Variants in PLD1 observed in about 807,000 individuals in gnomAD.
The protein encoded by PLD1 is choline phosphatase 1.
A neutral mutation model predicts 137.1 loss-of-function variants in PLD1; 112 were observed. The ratio of observed to expected loss-of-function variants is 0.82; its 90% CI spans 0.70 to 0.96. PLD1 has a LOEUF of 0.96. Among genes scored for constraint, PLD1 ranks in the 40% least tolerant of loss-of-function variants. The pLI, the probability that PLD1 is intolerant of heterozygous loss-of-function variation, is 0.00. For synonymous variants in PLD1, 431 were observed against 454.7 expected (o/e 0.95, Z 0.66); for missense variants, 1,321 against 1,342.0 (o/e 0.98, Z 0.24).
chr3:171,733,862 A>G (rs932139923), intron 5 of PLD1, among the ~76,000 whole-genome samples: 2 of 151,896 alleles, frequency 1.3e-5, no homozygotes, highest in African/African-American at 2.4e-5. Flanking sequence ...TTTTTTTTCA[A>G]TTCTAACACT....
chr3:171,611,516 A>G, intron 25 of PLD1: 1 of 499,542 alleles, frequency 2.0e-6, no homozygotes, highest in Admixed American at 2.1e-5. Flanking sequence ...AGGATCGCAC[A>G]GCTGAAACGA....
chr3:171,620,378 G>A lies in PLD1; in HGVS notation c.2728+8C>T, dbSNP rs1733486024. ...GGAATACAATTATAGACCATATACT[G>A]TACTTACCAATAATAACAGTGTTAT... On this transcript the variant is annotated splice_region_variant and intron_variant, in intron 24 of 26. Transcript: ENST00000351298. 1 of 1,585,446 alleles carries A rather than the reference G, an allele frequency of 6.3e-7. No homozygotes were observed.
intron 1 of PLD1, among the ~76,000 whole-genome samples, chr3:171,769,642 C>G (rs898392758): frequency 8.5e-5 from 13 of 152,182 alleles, no homozygotes; most frequent in Non-Finnish European, 1.9e-4. Flanking sequence ...AAAATACAGT[C>G]CACTTTGTAA....
chr3:171,697,217 C>G (rs957353734), intron 12 of PLD1, among the ~76,000 whole-genome samples: 1 of 147,152 alleles, frequency 6.8e-6, no homozygotes, highest in African/African-American at 2.5e-5. Flanking sequence ...CTTCCACTAT[C>G]AGAGTCACCT....
intron 1 of PLD1, among the ~76,000 whole-genome samples, chr3:171,794,622 C>T (rs1723355535): frequency 6.6e-6 from 1 of 151,874 alleles, no homozygotes; most frequent in Admixed American, 6.6e-5. Context: ...AATAAAATGC[C>T]TGGTGCTTGT....
intron 20 of PLD1, 69 bp from the exon 21 acceptor site, chr3:171,659,370 G>T: frequency 1.0e-6 from 1 of 964,916 alleles, no homozygotes; most frequent in Non-Finnish European, 1.7e-6. Context: ...GAACAATACT[G>T]TAATATATTT....
chr3:171,692,244 T>C lies in PLD1; in HGVS notation c.1338+88A>G, dbSNP rs539438390. The stretch of plus-strand genomic sequence containing the variant: ...ATCAAATATACATTTGGGCATTCTA[T>C]AGATTATTACTGCCCAGAACAAAAC... On this transcript the variant is annotated intron_variant, in intron 13 of 26. Coordinates refer to ENST00000351298, the MANE Select transcript of PLD1 (RefSeq NM_002662.5). 88 of 666,168 alleles carry C rather than the reference T, an allele frequency of 1.3e-4. No homozygotes were observed. The South Asian group carries it at 1.4e-3, about 10-fold the overall frequency. 41.3% of individuals were successfully genotyped at this position (666,168 alleles called of 1,614,324 possible).
At chr3:171,685,976 AGGCACG>A (rs1264594973) in intron 16 of PLD1, among the ~76,000 whole-genome samples, 1 of 152,090 alleles carries the variant, frequency 6.6e-6, no homozygotes, top group Non-Finnish European at 1.5e-5. Flanking sequence ...AAAATTAGCC[AGGCACG>A]GTCATGCACG....
intron 1 of PLD1, among the ~76,000 whole-genome samples, chr3:171,777,478 T>C (rs940686855): frequency 9.3e-4 from 142 of 152,300 alleles, no homozygotes; most frequent in Non-Finnish European, 1.6e-3. Context: ...TTTCCTTCCT[T>C]GCTTACCCAA....
intron 24 of PLD1, among the ~76,000 whole-genome samples, chr3:171,618,100 T>C (rs1337773307): frequency 6.6e-6 from 1 of 151,778 alleles, no homozygotes; most frequent in African/African-American, 2.4e-5. Context: ...ATCGATTCTC[T>C]AAGGCACTTG....
intron 1 of PLD1, among the ~76,000 whole-genome samples, chr3:171,754,302 C>T (rs1720863712): frequency 6.6e-6 from 1 of 152,212 alleles, no homozygotes; most frequent in South Asian, 2.1e-4. Context: ...GCACAAGGAA[C>T]ATGTGTGTAA....
intron 6 of PLD1, among the ~76,000 whole-genome samples, chr3:171,731,103 C>G (rs182094335): frequency 5.1e-4 from 78 of 152,298 alleles, no homozygotes; most frequent in Middle Eastern, 3.4e-3. Context: ...AGATTAAGAA[C>G]ATATCCTATT....
At chr3:171,718,915 T>C (rs1189612988) in intron 8 of PLD1, among the ~76,000 whole-genome samples, 2 of 152,188 alleles carry the variant, frequency 1.3e-5, no homozygotes, top group Admixed American at 1.3e-4. Context: ...AATCTTGTTC[T>C]AAACCATGTG....
chr3:171,675,118 TC>T (rs1713217941), intron 18 of PLD1, among the ~76,000 whole-genome samples: 2 of 152,114 alleles, frequency 1.3e-5, no homozygotes, highest in African/African-American at 4.8e-5. Context: ...CTTCTCACAG[TC>T]CTGTTTTTAC....
At chr3:171,710,872 CTTTTTT>C (rs774704143) in intron 9 of PLD1, among the ~76,000 whole-genome samples, 93 of 98,614 alleles carry the variant, frequency 9.4e-4, no homozygotes, top group Non-Finnish European at 1.1e-3. Flanking sequence ...GAAAACTGTT[CTTTTTT>C]TTTTTTTTTT....
chr3:171,637,984 T>C (rs1735277603), intron 23 of PLD1, among the ~76,000 whole-genome samples: 1 of 151,590 alleles, frequency 6.6e-6, no homozygotes, highest in African/African-American at 2.4e-5. Flanking sequence ...ATAGAGACCA[T>C]CCTGACTAAC....
intron 1 of PLD1, among the ~76,000 whole-genome samples, chr3:171,778,699 A>C (rs1429763773): frequency 1.3e-5 from 2 of 152,270 alleles, no homozygotes; most frequent in Admixed American, 1.3e-4. Context: ...CAGTGTAGTC[A>C]GTGCTGTGAA....
intron 1 of PLD1, among the ~76,000 whole-genome samples, chr3:171,783,492 G>C (rs1722872978): frequency 6.6e-6 from 1 of 152,150 alleles, no homozygotes. Flanking sequence ...AGTCAAAGGA[G>C]TGGACGTAAA....
rs1424227282 is a variant in PLD1, at chr3:171,686,134, A to AG, written c.1867+550_1867+551insC. Among the ~76,000 whole-genome samples the AG allele has an allele frequency of 7.2e-5, 11 of 152,042 alleles. No homozygotes were observed. The East Asian group carries it at 2.1e-3, about 29-fold the overall frequency. ...GCAAGACTCTATCTCAAAAAAAAAAAAAAAAAAAGATTTTTAACCAAATAA... is the reference window on the plus strand; with the variant it reads ...GCAAGACTCTATCTCAAAAAAAAAAAGAAAAAAAAGATTTTTAACCAAATAA... On this transcript the variant is annotated intron_variant, in intron 16 of 26. Coordinates refer to ENST00000351298, the MANE Select transcript of PLD1 (RefSeq NM_002662.5).
Sources: gnomAD v4.1 joint callset for allele counts (sites outside exome capture counted in the v4.1 genomes callset) on GRCh38, gnomAD v4.1.1 for gene constraint, MANE v1.5 for transcripts, NCBI Gene and HGNC (gene_info 2026-07-23, HGNC 2026-07-21) for gene names.